The following ANO4 variants were observed in gnomAD, a reference collection of about 807,000 sequenced individuals.
The protein encoded by ANO4 is anoctamin-4.
ANO4 carries 69 observed loss-of-function variants against 141.9 expected under a neutral mutation model. The ratio of observed to expected loss-of-function variants is 0.49; its 90% CI spans 0.40 to 0.59. The LOEUF (loss-of-function observed/expected upper bound fraction) is 0.59. Among genes scored for constraint, ANO4 ranks in the 20% least tolerant of loss-of-function variants. ANO4 has a pLI of 0.00. For missense variants in ANO4, 894 were observed against 1,162.2 expected, an observed-to-expected ratio of 0.77 and a Z score of 3.36; for synonymous variants, 350 against 394.3, an observed-to-expected ratio of 0.89 and a Z score of 1.33.
At chr12:101,048,158 A>AGCAAT (rs2047706727) in intron 13 of ANO4, 183 bp from the exon 14 acceptor site, 7 of 1,019,008 alleles carry the variant, frequency 6.9e-6, no homozygotes, top group Non-Finnish European at 9.6e-6. Flanking sequence ...CTATATATGA[A>AGCAAT]CTACCTTGCA....
intron 5 of ANO4, among the ~76,000 whole-genome samples, chr12:100,949,756 G>A (rs74619944): frequency 0.028 from 4,236 of 152,198 alleles, 188 homozygotes; most frequent in African/African-American, 0.097. Flanking sequence ...AATACATTTG[G>A]TAACAAGTTT....
chr12:100,982,978 G>A (rs1411623842), intron 7 of ANO4, among the ~76,000 whole-genome samples: 5 of 152,228 alleles, frequency 3.3e-5, no homozygotes, highest in African/African-American at 4.8e-5. Context: ...CCACACTGAT[G>A]TATGACCACA....
chr12:101,059,615 G>A (rs1387324410), intron 14 of ANO4, among the ~76,000 whole-genome samples: 1 of 152,120 alleles, frequency 6.6e-6, no homozygotes, highest in Non-Finnish European at 1.5e-5. Flanking sequence ...TTGGGAGGGT[G>A]TATGTGTCCA....
intron 1 of ANO4, among the ~76,000 whole-genome samples, chr12:100,725,342 T>TC (rs2031062840): frequency 7.8e-6 from 1 of 128,440 alleles, no homozygotes; most frequent in Non-Finnish European, 1.7e-5. Context: ...GAAATTGGTA[T>TC]CTTTTTTTTT....
intron 1 of ANO4, among the ~76,000 whole-genome samples, chr12:100,869,634 A>G (rs764743590): frequency 2.0e-5 from 3 of 152,188 alleles, no homozygotes; most frequent in Admixed American, 6.5e-5. Flanking sequence ...GTCCTCAGCC[A>G]TATCTGCCGT....
intron 6 of ANO4, 126 bp downstream of exon 6, chr12:100,971,532 A>G: frequency 5.2e-6 from 3 of 571,882 alleles, no homozygotes; most frequent in Non-Finnish European, 8.7e-6. Context: ...AATCTTTCAA[A>G]TGTTTAGGAT....
chr12:100,960,294 G>A (rs1464270296), intron 5 of ANO4, among the ~76,000 whole-genome samples: 1 of 152,112 alleles, frequency 6.6e-6, no homozygotes, highest in East Asian at 1.9e-4. Flanking sequence ...AAGTAGGTGA[G>A]GGTAGTTATA....
intron 1 of ANO4, among the ~76,000 whole-genome samples, chr12:100,838,982 T>C (rs1321446249): frequency 2.0e-5 from 3 of 152,176 alleles, no homozygotes; most frequent in Non-Finnish European, 2.9e-5. Flanking sequence ...AGGTTCCCTA[T>C]CTTGCCTTGA....
intron 13 of ANO4, among the ~76,000 whole-genome samples, chr12:101,043,842 A>G (rs2047515841): frequency 6.6e-6 from 1 of 152,218 alleles, no homozygotes; most frequent in Admixed American, 6.5e-5. Flanking sequence ...GACATCATCC[A>G]TGGAGCTGCA....
intron 3 of ANO4, among the ~76,000 whole-genome samples, chr12:100,761,326 G>A (rs1160843528): frequency 6.6e-6 from 1 of 152,044 alleles, no homozygotes; most frequent in African/African-American, 2.4e-5. Flanking sequence ...TTCCAGATTT[G>A]GTGATTTGCT....
chr12:100,994,148 A>G (rs1024556322), intron 8 of ANO4, among the ~76,000 whole-genome samples: 2 of 152,172 alleles, frequency 1.3e-5, no homozygotes, highest in African/African-American at 4.8e-5. Context: ...TGGGATGGGT[A>G]CAAAATCACA....
At chr12:100,993,738 T>C (rs1402490646) in intron 8 of ANO4, among the ~76,000 whole-genome samples, 1 of 151,600 alleles carries the variant, frequency 6.6e-6, no homozygotes, top group East Asian at 1.9e-4. Flanking sequence ...GGCCTAAGAG[T>C]GGTATATAGC....
At chr12:100,964,078 G>A (rs1462943524) in intron 5 of ANO4, among the ~76,000 whole-genome samples, 1 of 152,098 alleles carries the variant, frequency 6.6e-6, no homozygotes, top group Non-Finnish European at 1.5e-5. Flanking sequence ...TAATTTTTAG[G>A]ATGTTAAAGC....
chr12:100,974,791 G>A, intron 6 of ANO4, 54 bp from the exon 7 acceptor site: 2 of 1,587,242 alleles, frequency 1.3e-6, no homozygotes, highest in African/African-American at 2.7e-5. Context: ...AGTTCAAACT[G>A]TAACTGACGA....
At chr12:100,854,292 C>T (rs1593526865) in intron 1 of ANO4, among the ~76,000 whole-genome samples, 2 of 152,156 alleles carry the variant, frequency 1.3e-5, no homozygotes, top group South Asian at 4.2e-4. Context: ...GTTTCCTTGT[C>T]AATAATTGTT....
chr12:100,866,610 A>C (rs1403064179), intron 1 of ANO4, among the ~76,000 whole-genome samples: 1 of 152,188 alleles, frequency 6.6e-6, no homozygotes, highest in Non-Finnish European at 1.5e-5. Context: ...ATGAATCCAA[A>C]CTACCTAGGG....
chr12:100,801,462 A>G (rs1267004800), intron 1 of ANO4, among the ~76,000 whole-genome samples: 1 of 152,050 alleles, frequency 6.6e-6, no homozygotes, highest in Non-Finnish European at 1.5e-5. Context: ...AGTGCCTTCT[A>G]TAAGCAAAGC....
chr12:100,724,467 T>C (rs1381461155), intron 1 of ANO4, among the ~76,000 whole-genome samples: 1 of 152,198 alleles, frequency 6.6e-6, no homozygotes, highest in Non-Finnish European at 1.5e-5. Flanking sequence ...CTAGAACTAT[T>C]ACTACTTCAA....
rs1324354208 is a variant in ANO4, at chr12:100,960,523, A to T, written c.457-10783A>T. 2.0e-5 allele frequency among the ~76,000 whole-genome samples: 3 copies of T among 152,124 alleles called. No individual in the cohort carries two copies. In the East Asian group the frequency reaches 5.8e-4, roughly 29 times the overall value. ...ATAACAGACTGAGGAGGGATGTCAT[A>T]ACCCTTCCCAAGTGCACATGTATAC... On this transcript the variant is annotated intron_variant, in intron 5 of 27. Transcript: ENST00000392977.
Sources: allele counts gnomAD v4.1 joint callset (sites outside exome capture counted in the v4.1 genomes callset), GRCh38; gene constraint gnomAD v4.1.1; transcripts MANE v1.5; gene names NCBI Gene and HGNC (gene_info 2026-07-23, HGNC 2026-07-21).